Variants in ZPBP observed in about 807,000 individuals in gnomAD.
ZPBP encodes the protein zona pellucida-binding protein 1.
In ZPBP, 26 loss-of-function variants were observed where a neutral mutation model predicts 44.8. The ratio of observed to expected loss-of-function variants is 0.58; its 90% CI spans 0.43 to 0.81. The LOEUF is 0.81. Ranked by LOEUF, ZPBP falls within the 30% of genes least tolerant of loss-of-function variation. ZPBP has a pLI of 0.00. For missense variants in ZPBP, 409 were observed against 434.0 expected, an observed-to-expected ratio of 0.94 and a Z score of 0.51; for synonymous variants, 174 against 153.2, an observed-to-expected ratio of 1.14 and a Z score of -1.00.
At chr7:50,028,111 C>A (rs1799420962) in intron 5 of ZPBP, among the ~76,000 whole-genome samples, 1 of 144,468 alleles carries the variant, frequency 6.9e-6, no homozygotes, top group African/African-American at 2.4e-5. Flanking sequence ...TGATTACAGG[C>A]CAATATCCAT....
chr7:50,003,351 G>A (rs1444308206), intron 6 of ZPBP, among the ~76,000 whole-genome samples: 1 of 152,100 alleles, frequency 6.6e-6, no homozygotes, highest in Non-Finnish European at 1.5e-5. Context: ...TTAATGCTTG[G>A]CCAAGAAAAA....
chr7:49,982,323 AT>A (rs11345862), intron 7 of ZPBP, among the ~76,000 whole-genome samples: 5 of 63,948 alleles, frequency 7.8e-5, no homozygotes, highest in African/African-American at 1.2e-4. Context: ...ATAATATATA[AT>A]TATATAATAT....
At chr7:49,859,124 A>C (rs1450822749) in intron 2 of ZPBP, among the ~76,000 whole-genome samples, 1 of 152,202 alleles carries the variant, frequency 6.6e-6, no homozygotes, top group Admixed American at 6.5e-5. Flanking sequence ...GGAGAATTTC[A>C]CTGATGGGGC....
At chr7:49,892,456 C>A (rs1431875564) in intron 2 of ZPBP, among the ~76,000 whole-genome samples, 10 of 152,136 alleles carry the variant, frequency 6.6e-5, no homozygotes, top group East Asian at 1.9e-4. Context: ...GAAAAGAAGT[C>A]CTGCTATACA....
chr7:49,937,479 A>G lies in ZPBP; in HGVS notation c.*49T>C. ...AATAATTTATTATGTTAATATTTCA[A>G]ATATATACTTTGCATTTAATAAACC... On this transcript the variant is annotated 3_prime_UTR_variant, in exon 8 of 8. Transcript: ENST00000046087. 1 of 1,337,346 alleles carries G rather than the reference A, an allele frequency of 7.5e-7. No homozygotes were observed. The highest frequency in any genetic ancestry group is 1.1e-6 in the Non-Finnish European group (1 of 929,628). The allele number at this position is 1,337,346 out of a possible 1,614,324, so 82.8% of individuals were successfully genotyped here. A position where few individuals can be genotyped will look rare whatever the true frequency, so the allele number is the denominator to read the frequency against.
chr7:50,006,285 C>T (rs1179198043), intron 6 of ZPBP, among the ~76,000 whole-genome samples: 5 of 151,988 alleles, frequency 3.3e-5, no homozygotes, highest in Non-Finnish European at 2.9e-5. Flanking sequence ...CTAAAAGATG[C>T]ACAGAACACT....
intron 3 of ZPBP, among the ~76,000 whole-genome samples, chr7:50,074,664 G>GA (rs952813281): frequency 5.3e-5 from 8 of 151,096 alleles, no homozygotes; most frequent in Non-Finnish European, 8.9e-5. Context: ...AACTATCAGA[G>GA]AAAAAAAATG....
Position 49,937,464 on chromosome 7 carries a change from T to C in ZPBP, c.*64A>G. 1 of 1,209,996 alleles carries C rather than the reference T, an allele frequency of 8.3e-7. No homozygotes were observed. 75.0% of individuals were successfully genotyped at this position (1,209,996 alleles called of 1,614,324 possible). On this transcript the variant is annotated 3_prime_UTR_variant, in exon 8 of 8. Coordinates refer to ENST00000046087, the MANE Select transcript of ZPBP (RefSeq NM_007009.3). Reference sequence around the variant, plus strand: ...GATTAATTTTGGCATAATAATTTATTATGTTAATATTTCAAATATATACTT... The same window carrying C: ...GATTAATTTTGGCATAATAATTTATCATGTTAATATTTCAAATATATACTT...
intron 7 of ZPBP, among the ~76,000 whole-genome samples, chr7:49,968,383 A>C (rs1796148965): frequency 6.6e-6 from 1 of 152,124 alleles, no homozygotes; most frequent in Non-Finnish European, 1.5e-5. Context: ...CAAAGCACTG[A>C]CATGTATTTT....
chr7:50,031,986 CAAGG>C (rs1386034105), intron 4 of ZPBP, among the ~76,000 whole-genome samples: 1 of 152,182 alleles, frequency 6.6e-6, no homozygotes, highest in Non-Finnish European at 1.5e-5. Context: ...TTCTGTCAAA[CAAGG>C]GAGACTTCCC....
At chr7:50,086,150 C>A (rs1802635528) in intron 2 of ZPBP, among the ~76,000 whole-genome samples, 1 of 152,026 alleles carries the variant, frequency 6.6e-6, no homozygotes, top group Non-Finnish European at 1.5e-5. Flanking sequence ...ATAAAGAATA[C>A]ATAACTTACA....
chr7:49,877,946 G>A (rs1784797466), intron 2 of ZPBP, among the ~76,000 whole-genome samples: 1 of 151,950 alleles, frequency 6.6e-6, no homozygotes, highest in South Asian at 2.1e-4. Context: ...TGTCATTTTG[G>A]GGTTTAGTGC....
intron 3 of ZPBP, among the ~76,000 whole-genome samples, chr7:50,068,035 G>A (rs533498423): frequency 1.1e-4 from 16 of 152,286 alleles, no homozygotes; most frequent in African/African-American, 2.9e-4. Flanking sequence ...GTTAGATCTG[G>A]TAGTCCTAAA....
rs558913428 is a variant in ZPBP, at chr7:50,069,345, C to T, written c.335-11204G>A. 5.3e-5 allele frequency among the ~76,000 whole-genome samples: 8 copies of T among 152,224 alleles called. No individual in the cohort carries two copies. In the South Asian group the frequency reaches 1.7e-3, roughly 32 times the overall value. ...TACTTTCACTATTGGCTTGGCGGTG[C>T]TACAAGCCTCTGTGACTTTCCCTTT... On this transcript the variant is annotated intron_variant, in intron 3 of 7. Coordinates refer to ENST00000046087, the MANE Select transcript of ZPBP (RefSeq NM_007009.3).
intron 7 of ZPBP, among the ~76,000 whole-genome samples, chr7:49,965,413 C>A (rs537583929): frequency 2.6e-5 from 4 of 151,848 alleles, no homozygotes; most frequent in Admixed American, 1.3e-4. Context: ...CTATATCCAC[C>A]AAACAAAATA....
chr7:49,962,059 A>G lies in ZPBP; in HGVS notation c.961+21283T>C, dbSNP rs1454452505. Among the ~76,000 whole-genome samples the G allele has an allele frequency of 4.6e-5, 7 of 152,132 alleles. No homozygotes were observed. In the East Asian group the frequency reaches 9.6e-4, roughly 21 times the overall value. ...AAATAAACATCCGTTGACAGCTTCA[A>G]TGAAGAATTAAATATTTGAAACAAG... On this transcript the variant is annotated intron_variant, in intron 7 of 7. Coordinates refer to ENST00000046087, the MANE Select transcript of ZPBP (RefSeq NM_007009.3).
intron 1 of ZPBP, among the ~76,000 whole-genome samples, chr7:49,901,871 A>AACACTGTTTGCTAACACTGTTAGCTC: frequency 6.8e-6 from 1 of 147,652 alleles, no homozygotes; most frequent in African/African-American, 2.5e-5. Context: ...GATAAATATG[A>AACACTGTTTGCTAACACTGTTAGCTC]ACACTGTTTG....
chr7:49,992,078 G>C (rs1180855698), intron 6 of ZPBP, among the ~76,000 whole-genome samples: 1 of 152,078 alleles, frequency 6.6e-6, no homozygotes, highest in Non-Finnish European at 1.5e-5. Context: ...ACAAAGGGGA[G>C]AAAACAAGGA....
chr7:49,905,403 A>G (rs1466224825), intron 1 of ZPBP, among the ~76,000 whole-genome samples: 6 of 152,210 alleles, frequency 3.9e-5, no homozygotes, highest in African/African-American at 1.4e-4. Flanking sequence ...CAGAGTCATC[A>G]GGGACTAAAT....
Sources: allele counts gnomAD v4.1 joint callset (sites outside exome capture counted in the v4.1 genomes callset), GRCh38; gene constraint gnomAD v4.1.1; transcripts MANE v1.5; gene names NCBI Gene and HGNC (gene_info 2026-07-23, HGNC 2026-07-21).